CADM2: variants seen among roughly 807,000 people sequenced by gnomAD.
The protein encoded by CADM2 is cell adhesion molecule 2.
CADM2 carries 12 observed loss-of-function variants against 49.8 expected under a neutral mutation model. The observed-to-expected ratio is 0.24, with a 90% CI of 0.15 to 0.39. The LOEUF is 0.39. Ranked by LOEUF, CADM2 falls within the 10% of genes least tolerant of loss-of-function variation. The pLI is 1.00. For missense variants in CADM2, 378 were observed against 492.3 expected, an observed-to-expected ratio of 0.77 and a Z score of 2.20; for synonymous variants, 214 against 175.4, an observed-to-expected ratio of 1.22 and a Z score of -1.74.
chr3:85,700,313 T>C (rs1208457004), intron 1 of CADM2, among the ~76,000 whole-genome samples: 1 of 151,826 alleles, frequency 6.6e-6, no homozygotes, highest in African/African-American at 2.4e-5. Flanking sequence ...GGGAGGGGAA[T>C]ATTACACACA....
chr3:86,049,556 T>C (rs1240182666), intron 8 of CADM2, among the ~76,000 whole-genome samples: 1 of 152,120 alleles, frequency 6.6e-6, no homozygotes, highest in Non-Finnish European at 1.5e-5. Flanking sequence ...CCACCGTGCC[T>C]GGCCAAGACT....
intron 1 of CADM2, among the ~76,000 whole-genome samples, chr3:85,628,716 G>A (rs1037245095): frequency 1.3e-5 from 2 of 149,316 alleles, no homozygotes; most frequent in African/African-American, 2.5e-5. Context: ...AGATTTACCT[G>A]TATAAATATT....
intron 1 of CADM2, among the ~76,000 whole-genome samples, chr3:85,206,162 A>G (rs1391231372): frequency 6.6e-6 from 1 of 152,074 alleles, no homozygotes; most frequent in Non-Finnish European, 1.5e-5. Context: ...TACAGATAAT[A>G]CTACTTAATT....
At chr3:85,470,571 CAA>C (rs1306079814) in intron 1 of CADM2, among the ~76,000 whole-genome samples, 3 of 152,074 alleles carry the variant, frequency 2.0e-5, no homozygotes, top group African/African-American at 7.2e-5. Flanking sequence ...TGGAAATGAT[CAA>C]AGAGTGACTA....
intron 1 of CADM2, among the ~76,000 whole-genome samples, chr3:85,261,197 C>A (rs961080437): frequency 6.6e-6 from 1 of 152,026 alleles, no homozygotes; most frequent in Non-Finnish European, 1.5e-5. Flanking sequence ...AGTGCAGTGG[C>A]AAGATCTTGG....
chr3:85,199,370 T>TGTGTGAGAGAGAGAGAGAGAGAGAGA (rs1553694531), intron 1 of CADM2, among the ~76,000 whole-genome samples: 10 of 140,104 alleles, frequency 7.1e-5, no homozygotes, highest in East Asian at 2.1e-4. Flanking sequence ...TGTGTGTGTA[T>TGTGTGAGAGAGAGAGAGAGAGAGAGA]GAGAGAGAGA....
intron 2 of CADM2, among the ~76,000 whole-genome samples, chr3:85,747,276 T>C (rs187681877): frequency 2.0e-3 from 300 of 152,248 alleles, no homozygotes; most frequent in African/African-American, 6.4e-3. Flanking sequence ...TCTTACGAGA[T>C]GGAAATTAAA....
At chr3:85,060,097 C>T (rs1461052303) in intron 1 of CADM2, among the ~76,000 whole-genome samples, 3 of 151,900 alleles carry the variant, frequency 2.0e-5, no homozygotes, top group Non-Finnish European at 4.4e-5. Flanking sequence ...ATATGCATAC[C>T]TTTTTGTACT....
intron 2 of CADM2, among the ~76,000 whole-genome samples, chr3:85,784,800 T>G (rs1412294768): frequency 1.3e-5 from 2 of 152,192 alleles, no homozygotes; most frequent in Non-Finnish European, 2.9e-5. Flanking sequence ...ACTGGTCTCA[T>G]AGGATGAGTT....
At chr3:85,131,149 A>C (rs2039216758) in intron 1 of CADM2, among the ~76,000 whole-genome samples, 1 of 152,224 alleles carries the variant, frequency 6.6e-6, no homozygotes. Context: ...ATTGCACTCC[A>C]GCCTGGGCAA....
intron 1 of CADM2, among the ~76,000 whole-genome samples, chr3:85,195,724 T>C (rs535929542): frequency 1.5e-3 from 234 of 152,190 alleles, no homozygotes; most frequent in Non-Finnish European, 2.3e-3. Flanking sequence ...CCAAAGTTTA[T>C]AGAAAGTTTC....
intron 1 of CADM2, among the ~76,000 whole-genome samples, chr3:85,321,117 T>TATATATATATATATATATA (rs1559778035): frequency 4.2e-4 from 2 of 4,724 alleles, no homozygotes; most frequent in African/African-American, 2.1e-3. Context: ...TATATATATA[T>TATATATATATATATATATA]TTTTTTTTTT....
At chr3:86,012,811 C>A in intron 8 of CADM2, 1 of 554,304 alleles carries the variant, frequency 1.8e-6, no homozygotes. Flanking sequence ...CCCGTCTCTA[C>A]TAAAAATACA....
At chr3:85,600,522 T>G (rs2063361540) in intron 1 of CADM2, among the ~76,000 whole-genome samples, 1 of 151,924 alleles carries the variant, frequency 6.6e-6, no homozygotes. Flanking sequence ...CAAGAATGTT[T>G]ATGTCTTTTA....
intron 1 of CADM2, among the ~76,000 whole-genome samples, chr3:85,559,282 G>A (rs1275842134): frequency 6.6e-6 from 1 of 151,868 alleles, no homozygotes; most frequent in Non-Finnish European, 1.5e-5. Flanking sequence ...ATATACAATA[G>A]GAATTAATTT....
In CADM2 at chr3:85,198,463, G is replaced by A. The variant is rs553840284; in HGVS notation, c.61+238795G>A. Among the ~76,000 whole-genome samples, 246 of 149,410 alleles carry A rather than the reference G, an allele frequency of 1.6e-3. 6 individuals carry two copies. The South Asian group carries it at 0.035, about 21-fold the overall frequency. ...TGTTGGTCTCACCACGATGTTAATA[G>A]CATGTTTTTTTTTTAGTTGCAACAA... On this transcript the variant is annotated intron_variant, in intron 1 of 9. Coordinates refer to ENST00000383699, the MANE Select transcript of CADM2 (RefSeq NM_001167675.2).
intron 1 of CADM2, among the ~76,000 whole-genome samples, chr3:85,157,949 A>C (rs2040191588): frequency 6.6e-6 from 1 of 152,080 alleles, no homozygotes; most frequent in African/African-American, 2.4e-5. Context: ...CATCTGACAA[A>C]GGGCTAATAT....
chr3:85,825,068 T>A (rs1009228746), intron 3 of CADM2, among the ~76,000 whole-genome samples: 2 of 152,048 alleles, frequency 1.3e-5, no homozygotes, highest in African/African-American at 4.8e-5. Flanking sequence ...AAAGGAAAAG[T>A]AATTTATATT....
intron 1 of CADM2, among the ~76,000 whole-genome samples, chr3:85,329,398 CACACA>C (rs2044849109): frequency 7.0e-6 from 1 of 142,730 alleles, no homozygotes; most frequent in Non-Finnish European, 1.6e-5. Context: ...CACAGACACA[CACACA>C]CACACACACA....
Sources: gnomAD v4.1 joint callset for allele counts (sites outside exome capture counted in the v4.1 genomes callset) on GRCh38, gnomAD v4.1.1 for gene constraint, MANE v1.5 for transcripts, NCBI Gene and HGNC (gene_info 2026-07-23, HGNC 2026-07-21) for gene names.